AUTS2: variants seen among roughly 807,000 people sequenced by gnomAD.
The protein encoded by AUTS2 is activator of transcription and developmental regulator AUTS2, also known as autism susceptibility gene 2 protein.
AUTS2 carries 17 observed loss-of-function variants against 112.4 expected under a neutral mutation model. The ratio of observed to expected loss-of-function variants is 0.15; its 90% CI spans 0.10 to 0.23. The LOEUF is 0.23. AUTS2 is among the 10% of genes least tolerant of loss of function. AUTS2 has a pLI of 1.00. For missense variants in AUTS2, 1,510 were observed against 1,701.6 expected (o/e 0.89, Z 1.98); for synonymous variants, 751 against 702.7 (o/e 1.07, Z -1.09).
intron 4 of AUTS2, among the ~76,000 whole-genome samples, chr7:70,260,057 C>G (rs1787083303): frequency 6.6e-6 from 1 of 152,018 alleles, no homozygotes; most frequent in African/African-American, 2.4e-5. Flanking sequence ...TTACTTATAA[C>G]AGAATACCTA....
chr7:69,870,018 A>T (rs1422740278), intron 1 of AUTS2, among the ~76,000 whole-genome samples: 2 of 152,138 alleles, frequency 1.3e-5, no homozygotes, highest in African/African-American at 4.8e-5. Flanking sequence ...AGTTTTCATA[A>T]ATGATTTGGA....
chr7:69,628,239 G>C (rs1243138789), intron 1 of AUTS2, among the ~76,000 whole-genome samples: 2 of 152,226 alleles, frequency 1.3e-5, no homozygotes, highest in Non-Finnish European at 2.9e-5. Flanking sequence ...ATTGAGGTGT[G>C]CTTGGAGCCT....
In AUTS2 at chr7:70,652,911, A is replaced by G. The variant is rs143147119; in HGVS notation, c.691-45658A>G. Among the ~76,000 whole-genome samples the G allele has an allele frequency of 6.6e-5, 10 of 152,152 alleles. No individual in the cohort carries two copies. The East Asian group carries it at 1.9e-3, about 29-fold the overall frequency. ...TTTGTAATGTACATACTCTTTCCTG[A>G]TATCGTTTATATGACAATCCTCCCC... On this transcript the variant is annotated intron_variant, in intron 5 of 18. Transcript: ENST00000342771.
chr7:70,779,259 T>G (rs1164655094), intron 14 of AUTS2, among the ~76,000 whole-genome samples: 11 of 152,222 alleles, frequency 7.2e-5, no homozygotes, highest in Non-Finnish European at 1.5e-4. Flanking sequence ...CCCTGTAGAT[T>G]TGAGCAGAAA....
intron 2 of AUTS2, among the ~76,000 whole-genome samples, chr7:69,945,011 C>T (rs1796755530): frequency 6.6e-6 from 1 of 152,174 alleles, no homozygotes; most frequent in African/African-American, 2.4e-5. Context: ...TTTACTGAAT[C>T]TCTGCTGTAC....
At chr7:69,624,028 TTTCAG>T (rs1171845395) in intron 1 of AUTS2, among the ~76,000 whole-genome samples, 1 of 152,230 alleles carries the variant, frequency 6.6e-6, no homozygotes, top group Non-Finnish European at 1.5e-5. Flanking sequence ...TAATTACTCT[TTTCAG>T]TAAGTTTTTG....
At chr7:70,022,757 G>A (rs534398132) in intron 2 of AUTS2, among the ~76,000 whole-genome samples, 1 of 152,258 alleles carries the variant, frequency 6.6e-6, no homozygotes, top group African/African-American at 2.4e-5. Flanking sequence ...CTAGTCAGGT[G>A]CTAGGTGCTT....
chr7:70,224,897 C>T (rs920326979), intron 4 of AUTS2, among the ~76,000 whole-genome samples: 1 of 152,184 alleles, frequency 6.6e-6, no homozygotes, highest in Non-Finnish European at 1.5e-5. Flanking sequence ...AGCCTAGGAG[C>T]AATAGGTTAT....
intron 2 of AUTS2, among the ~76,000 whole-genome samples, chr7:69,928,682 G>A (rs1474551017): frequency 6.6e-6 from 1 of 152,128 alleles, no homozygotes; most frequent in East Asian, 1.9e-4. Context: ...GGCCAGAGAA[G>A]CAGGAGCAGG....
At chr7:70,356,910 ATTT>A (rs1368635498) in intron 4 of AUTS2, among the ~76,000 whole-genome samples, 1 of 152,142 alleles carries the variant, frequency 6.6e-6, no homozygotes, top group Non-Finnish European at 1.5e-5. Flanking sequence ...CCTTAGTAGA[ATTT>A]CACGAAGGTT....
At chr7:70,590,694 G>A (rs1247027347) in intron 5 of AUTS2, among the ~76,000 whole-genome samples, 2 of 152,092 alleles carry the variant, frequency 1.3e-5, no homozygotes, top group African/African-American at 2.4e-5. Flanking sequence ...TTATCTCCTT[G>A]AGCCTGGAAA....
chr7:70,332,157 A>G (rs1182845705), intron 4 of AUTS2, among the ~76,000 whole-genome samples: 2 of 152,148 alleles, frequency 1.3e-5, no homozygotes, highest in Non-Finnish European at 2.9e-5. Context: ...AAGCATTCCT[A>G]TACACCAATA....
At chr7:70,593,767 G>A (rs532950538) in intron 5 of AUTS2, among the ~76,000 whole-genome samples, 17 of 152,234 alleles carry the variant, frequency 1.1e-4, no homozygotes, top group East Asian at 1.9e-4. Flanking sequence ...TGGTGGGACC[G>A]GGCTGCAGGC....
intron 4 of AUTS2, among the ~76,000 whole-genome samples, chr7:70,227,319 A>AT: frequency 6.9e-6 from 1 of 145,072 alleles, no homozygotes; most frequent in Non-Finnish European, 1.5e-5. Flanking sequence ...GCATTTAAAA[A>AT]AAAAAAAACA....
At chr7:69,774,045 T>C (rs1349965766) in intron 1 of AUTS2, among the ~76,000 whole-genome samples, 1 of 152,204 alleles carries the variant, frequency 6.6e-6, no homozygotes, top group Non-Finnish European at 1.5e-5. Flanking sequence ...CTAGTGATGA[T>C]AGCGCCCTGG....
At chr7:70,633,493 C>T (rs952222855) in intron 5 of AUTS2, among the ~76,000 whole-genome samples, 3 of 151,728 alleles carry the variant, frequency 2.0e-5, no homozygotes, top group Non-Finnish European at 4.4e-5. Context: ...CATCTGTAAT[C>T]CCAGCTGCTC....
chr7:69,816,313 A>C (rs931875610), intron 1 of AUTS2, among the ~76,000 whole-genome samples: 1 of 152,254 alleles, frequency 6.6e-6, no homozygotes, highest in African/African-American at 2.4e-5. Context: ...AGACGGAAGA[A>C]TATTAGCAGA....
chr7:70,735,293 C>A (rs1002229444), intron 6 of AUTS2, among the ~76,000 whole-genome samples: 1 of 152,174 alleles, frequency 6.6e-6, no homozygotes, highest in Non-Finnish European at 1.5e-5. Flanking sequence ...AAAATGAAAT[C>A]GACTTGTGAA....
At chr7:70,709,604 G>C (rs575080922) in intron 6 of AUTS2, among the ~76,000 whole-genome samples, 1 of 152,174 alleles carries the variant, frequency 6.6e-6, no homozygotes, top group Non-Finnish European at 1.5e-5. Context: ...CCAGGTGCTC[G>C]GGAGACTGAG....
Sources: allele counts gnomAD v4.1 joint callset (sites outside exome capture counted in the v4.1 genomes callset), GRCh38; gene constraint gnomAD v4.1.1; transcripts MANE v1.5; gene names NCBI Gene and HGNC (gene_info 2026-07-23, HGNC 2026-07-21).